Variants in GALNTL6 observed in about 807,000 individuals in gnomAD.
GALNTL6 encodes the protein polypeptide N-acetylgalactosaminyltransferase-like 6.
A neutral mutation model predicts 73.7 loss-of-function variants in GALNTL6; 46 were observed. The observed-to-expected ratio is 0.62, with a 90% CI of 0.49 to 0.80. The LOEUF is 0.80. Ranked by LOEUF, GALNTL6 falls within the 30% of genes least tolerant of loss-of-function variation. GALNTL6 has a pLI of 0.00. For missense variants in GALNTL6, 604 were observed against 755.0 expected (o/e 0.80, Z 2.34); for synonymous variants, 259 against 263.7 (o/e 0.98, Z 0.17).
chr4:172,800,269 A>AT (rs917552776), intron 5 of GALNTL6, among the ~76,000 whole-genome samples: 2 of 152,148 alleles, frequency 1.3e-5, no homozygotes, highest in Non-Finnish European at 2.9e-5. Flanking sequence ...TTTTACTGCA[A>AT]TTTTTTTGAC....
chr4:172,647,871 C>A (rs1019206869), intron 5 of GALNTL6, among the ~76,000 whole-genome samples: 2 of 152,066 alleles, frequency 1.3e-5, no homozygotes, highest in Non-Finnish European at 2.9e-5. Flanking sequence ...ACAGTGGAAA[C>A]AGCCACAATA....
At position 171,888,951 on chromosome 4, in the gene GALNTL6, G is replaced by A. The variant is rs117939461; in HGVS notation, c.138+74233G>A. Reference sequence around the variant, plus strand: ...TGTATAGTTCTTTGCCAAAAAATAAGTGTGCAGTCTGAAATTCAAAACAAA... The same window carrying A: ...TGTATAGTTCTTTGCCAAAAAATAAATGTGCAGTCTGAAATTCAAAACAAA... On this transcript the variant is annotated intron_variant, in intron 2 of 12. Transcript: ENST00000506823. Among the ~76,000 whole-genome samples the A allele has an allele frequency of 1.7e-3, 252 of 152,128 alleles. 5 individuals carry two copies. The East Asian group carries it at 0.036, about 22-fold the overall frequency.
chr4:172,283,029 G>C (rs557587339), intron 3 of GALNTL6, among the ~76,000 whole-genome samples: 2 of 152,186 alleles, frequency 1.3e-5, no homozygotes, highest in African/African-American at 4.8e-5. Flanking sequence ...ACCCTGCCAT[G>C]CATCATTGGG....
chr4:172,809,566 C>T lies in GALNTL6; in HGVS notation c.739+20C>T, dbSNP rs1579510649. The T allele has an allele frequency of 6.3e-7, 1 of 1,588,656 alleles. No homozygotes were observed. The highest frequency in any genetic ancestry group is 8.6e-7 in the Non-Finnish European group (1 of 1,165,916). ...TCCTCAGTGAGTACAGGTTGCTAAG[C>T]ACCATCCTGGGATGCCTCAGGGGAA... On this transcript the variant is annotated intron_variant, in intron 6 of 12. Transcript: ENST00000506823. This position sits in a 1 kb window ranked among gnomAD's most constrained non-coding sequence, Gnocchi z 4.4.
At chr4:172,247,427 C>T (rs1275603084) in intron 3 of GALNTL6, among the ~76,000 whole-genome samples, 1 of 152,172 alleles carries the variant, frequency 6.6e-6, no homozygotes, top group African/African-American at 2.4e-5. Flanking sequence ...GGCACTAATA[C>T]AACTGATACA....
At chr4:172,333,834 T>G (rs1248615129) in intron 4 of GALNTL6, among the ~76,000 whole-genome samples, 7 of 152,182 alleles carry the variant, frequency 4.6e-5, no homozygotes, top group Non-Finnish European at 1.0e-4. Context: ...TATGTTTAAG[T>G]CTTTAATATA....
intron 5 of GALNTL6, among the ~76,000 whole-genome samples, chr4:172,450,738 T>C (rs1167175029): frequency 6.6e-6 from 1 of 152,224 alleles, no homozygotes; most frequent in Admixed American, 6.5e-5. Context: ...AGCTAATACG[T>C]GCATCAGAGA....
chr4:172,380,249 AC>A, intron 5 of GALNTL6: 1 of 884,596 alleles, frequency 1.1e-6, no homozygotes. Context: ...CAACTTGTCT[AC>A]ATTAGGATGA....
chr4:171,819,740 A>G (rs1734633368), intron 2 of GALNTL6, among the ~76,000 whole-genome samples: 1 of 152,142 alleles, frequency 6.6e-6, no homozygotes, highest in South Asian at 2.1e-4. Flanking sequence ...GCATCAGAAG[A>G]TGTAAGTGGA....
At chr4:172,372,354 G>A (rs943975394) in intron 5 of GALNTL6, among the ~76,000 whole-genome samples, 21 of 152,154 alleles carry the variant, frequency 1.4e-4, no homozygotes, top group Non-Finnish European at 2.9e-4. Flanking sequence ...GTAGCACCTG[G>A]TATCTAAGTA....
intron 5 of GALNTL6, among the ~76,000 whole-genome samples, chr4:172,401,082 G>A (rs530414673): frequency 6.6e-6 from 1 of 152,002 alleles, no homozygotes; most frequent in Non-Finnish European, 1.5e-5. Flanking sequence ...CTGTGCTCGG[G>A]TAATTCTCTT....
At chr4:172,985,412 T>C (rs955045336) in intron 10 of GALNTL6, among the ~76,000 whole-genome samples, 1 of 152,048 alleles carries the variant, frequency 6.6e-6, no homozygotes, top group African/African-American at 2.4e-5. Context: ...TAACATTTTT[T>C]CTTTATTTAA....
intron 7 of GALNTL6, among the ~76,000 whole-genome samples, chr4:172,882,235 C>A (rs2111191212): frequency 6.6e-6 from 1 of 152,198 alleles, no homozygotes; most frequent in East Asian, 1.9e-4. Flanking sequence ...GTTTAAATTT[C>A]AACTTTGGCA....
chr4:171,860,248 A>T (rs892088789), intron 2 of GALNTL6, among the ~76,000 whole-genome samples: 1 of 152,236 alleles, frequency 6.6e-6, no homozygotes, highest in Non-Finnish European at 1.5e-5. Context: ...AAAATCAGAA[A>T]ACTAAATTTC....
At chr4:172,784,220 T>C (rs969671494) in intron 5 of GALNTL6, among the ~76,000 whole-genome samples, 1 of 152,116 alleles carries the variant, frequency 6.6e-6, no homozygotes, top group Non-Finnish European at 1.5e-5. Flanking sequence ...GTCTAGATTT[T>C]TTTTAAATTA....
intron 5 of GALNTL6, among the ~76,000 whole-genome samples, chr4:172,425,586 GCTGT>G (rs747889266): frequency 3.9e-5 from 6 of 152,000 alleles, no homozygotes; most frequent in Non-Finnish European, 5.9e-5. Flanking sequence ...CATGACTGAT[GCTGT>G]CTATCACAGA....
At chr4:172,357,570 T>C (rs1463945196) in intron 5 of GALNTL6, among the ~76,000 whole-genome samples, 2 of 151,816 alleles carry the variant, frequency 1.3e-5, no homozygotes, top group East Asian at 3.9e-4. Flanking sequence ...TTTTTCTGCC[T>C]GGCCTCTCAA....
chr4:172,639,481 GGACTT>G (rs1460924768), intron 5 of GALNTL6, among the ~76,000 whole-genome samples: 1 of 151,966 alleles, frequency 6.6e-6, no homozygotes, highest in Non-Finnish European at 1.5e-5. Context: ...CTAGAACTAT[GGACTT>G]GAGATTTGCT....
intron 2 of GALNTL6, among the ~76,000 whole-genome samples, chr4:172,152,362 T>C (rs1734116766): frequency 6.6e-6 from 1 of 152,188 alleles, no homozygotes; most frequent in African/African-American, 2.4e-5. Flanking sequence ...AGACGTTGTT[T>C]AGCTTTAAAA....
Sources: allele counts gnomAD v4.1 joint callset (sites outside exome capture counted in the v4.1 genomes callset), GRCh38; gene constraint gnomAD v4.1.1; non-coding constraint Gnocchi (gnomAD v3.1); transcripts MANE v1.5; gene names NCBI Gene and HGNC (gene_info 2026-07-23, HGNC 2026-07-21).